The following CNBD1 variants were observed in gnomAD, a reference collection of about 807,000 sequenced individuals.
The protein encoded by CNBD1 is cyclic nucleotide binding domain containing 1, also known as cyclic nucleotide-binding domain-containing protein 1.
Under a neutral mutation model 54.4 loss-of-function variants are expected in CNBD1, and 71 were observed. The observed-to-expected ratio is 1.30, with a 90% CI of 1.08 to 1.59. CNBD1 has a LOEUF of 1.59. Ranked by LOEUF, CNBD1 falls within the 40% of genes most tolerant of loss-of-function variation. CNBD1 has a pLI of 0.00. For missense variants in CNBD1, 659 were observed against 518.0 expected (o/e 1.27, Z -2.64); for synonymous variants, 182 against 170.7 (o/e 1.07, Z -0.51).
At position 87,206,004 on chromosome 8, in the gene CNBD1, G is replaced by T; in HGVS notation, c.443G>T (p.Arg148Met). Residue 148 changes from arginine to methionine, a missense_variant, in exon 5 of 11, where the codon AGG becomes ATG. Transcript: ENST00000518476. ...TTTTTTTTTTTGAGGCCCATTCACA[G>T]GACGCCATATGAACACAAAACTGTG... The part of the protein sequence containing the change: ...LAILKKLPIH[R>M]TPYEHKTVWK... The T allele has an allele frequency of 6.6e-7, 1 of 1,522,838 alleles. No homozygotes were observed. Among genetic ancestry groups the T allele is most frequent in the Non-Finnish European group, 8.8e-7 (1 of 1,140,296 alleles). 94.3% of individuals were successfully genotyped at this position (1,522,838 alleles called of 1,614,324 possible). A position where few individuals can be genotyped will look rare whatever the true frequency, so the allele number is the denominator to read the frequency against.
intron 4 of CNBD1, among the ~76,000 whole-genome samples, chr8:86,981,791 TCATC>T (rs1463963582): frequency 1.3e-5 from 2 of 152,226 alleles, no homozygotes; most frequent in African/African-American, 4.8e-5. Flanking sequence ...TGTAATTTGT[TCATC>T]CATTAGACAA....
rs1328692067 is a variant in CNBD1 at position 87,286,639 on chromosome 8, T to A, written c.1010T>A (p.Leu337His). 6.5e-7 allele frequency: 1 copy of A among 1,540,798 alleles called. No individual in the cohort carries two copies. The highest frequency in any genetic ancestry group is 2.0e-5 in the Admixed American group (1 of 50,818). The change falls in exon 8 of 11, where the codon CTC becomes CAC. Residue 337 changes from leucine (L) to histidine (H), a missense_variant. Leu to His is a moderately conservative substitution (Grantham distance 99, BLOSUM62 -3). Transcript: ENST00000518476. Reference protein sequence around the residue: ...PTLSIYELIALLKWKKFPPGH... With the variant: ...PTLSIYELIAHLKWKKFPPGH... ...TTATCCATATATGAGCTAATTGCACTCCTTAAATGGAAAAAATTTCCTCCA... is the reference window on the plus strand; with the variant it reads ...TTATCCATATATGAGCTAATTGCACACCTTAAATGGAAAAAATTTCCTCCA...
chr8:87,009,748 T>C (rs757195437), intron 4 of CNBD1, among the ~76,000 whole-genome samples: 1 of 152,226 alleles, frequency 6.6e-6, no homozygotes, highest in Non-Finnish European at 1.5e-5. Flanking sequence ...GAACTTTTAG[T>C]ATTTCTTTAT....
chr8:86,959,705 C>T (rs1251543937), intron 4 of CNBD1, among the ~76,000 whole-genome samples: 3 of 152,136 alleles, frequency 2.0e-5, no homozygotes, highest in African/African-American at 2.4e-5. Context: ...TCCATCAGGT[C>T]ATTTAAGGTC....
At chr8:86,975,799 C>G (rs919807232) in intron 4 of CNBD1, among the ~76,000 whole-genome samples, 1 of 151,734 alleles carries the variant, frequency 6.6e-6, no homozygotes, top group Non-Finnish European at 1.5e-5. Context: ...TTTGGAGAAC[C>G]CTCATCTGTT....
At chr8:87,034,911 A>C in intron 4 of CNBD1, among the ~76,000 whole-genome samples, 1 of 152,270 alleles carries the variant, frequency 6.6e-6, no homozygotes, top group Admixed American at 6.5e-5. Flanking sequence ...GTACAATTTA[A>C]GTTCTTAGAT....
chr8:87,382,712 A>C lies in CNBD1; in HGVS notation c.*85A>C, dbSNP rs1811106084. ...TTGCATTCTGGAATACTATCAAACT[A>C]CCAGCAATGAATTTGGTCTATTGTG... On this transcript the variant is annotated 3_prime_UTR_variant, in exon 11 of 11. Transcript: ENST00000518476. 8.5e-6 allele frequency: 9 copies of C among 1,053,700 alleles called. No individual in the cohort carries two copies. Among genetic ancestry groups the C allele is most frequent in the Non-Finnish European group, 1.3e-5 (9 of 714,826 alleles). The allele number at this position is 1,053,700 out of a possible 1,614,324, so 65.3% of individuals were successfully genotyped here. A position where few individuals can be genotyped will look rare whatever the true frequency, so the allele number is the denominator to read the frequency against.
chr8:87,281,399 A>T (rs1232543925), intron 6 of CNBD1, among the ~76,000 whole-genome samples: 2 of 151,192 alleles, frequency 1.3e-5, no homozygotes, highest in African/African-American at 2.4e-5. Context: ...ATGCTTGCAC[A>T]TCTTCCTCTG....
chr8:87,240,885 C>G (rs983064814), intron 6 of CNBD1, among the ~76,000 whole-genome samples: 5 of 152,040 alleles, frequency 3.3e-5, no homozygotes, highest in African/African-American at 1.2e-4. Flanking sequence ...CCACTTGAAT[C>G]GCTTTTTAGG....
intron 4 of CNBD1, among the ~76,000 whole-genome samples, chr8:87,009,112 G>C (rs1265393486): frequency 6.6e-6 from 1 of 151,580 alleles, no homozygotes; most frequent in Non-Finnish European, 1.5e-5. Flanking sequence ...TATTTCCCCA[G>C]AAATTACTAA....
intron 3 of CNBD1, among the ~76,000 whole-genome samples, chr8:86,920,077 A>C (rs11784734): frequency 0.47 from 71,995 of 151,980 alleles, 17,854 homozygotes; most frequent in South Asian, 0.6. Context: ...AATTTAGCCC[A>C]CATTTTAAAG....
At chr8:87,198,998 GA>G (rs1171695538) in intron 4 of CNBD1, among the ~76,000 whole-genome samples, 1 of 152,154 alleles carries the variant, frequency 6.6e-6, no homozygotes, top group African/African-American at 2.4e-5. Flanking sequence ...GTGAAAGCAG[GA>G]GCAAGCGAAA....
intron 6 of CNBD1, among the ~76,000 whole-genome samples, chr8:87,260,456 A>G (rs1359897762): frequency 6.6e-6 from 1 of 152,198 alleles, no homozygotes; most frequent in Non-Finnish European, 1.5e-5. Flanking sequence ...AGAAAAACAA[A>G]TTCATAGCAC....
At chr8:87,215,094 G>A (rs1421470817) in intron 5 of CNBD1, among the ~76,000 whole-genome samples, 1 of 152,098 alleles carries the variant, frequency 6.6e-6, no homozygotes, top group Non-Finnish European at 1.5e-5. Context: ...ACATCAATGA[G>A]TGAAGAAACT....
chr8:87,208,985 A>C (rs1271371574), intron 5 of CNBD1, among the ~76,000 whole-genome samples: 1 of 152,126 alleles, frequency 6.6e-6, no homozygotes, highest in Non-Finnish European at 1.5e-5. Context: ...ACAACTAAAA[A>C]TATGGTAGCT....
At chr8:87,317,249 T>C (rs2089907128) in intron 8 of CNBD1, among the ~76,000 whole-genome samples, 1 of 151,760 alleles carries the variant, frequency 6.6e-6, no homozygotes, top group Non-Finnish European at 1.5e-5. Context: ...TTTAATTCAC[T>C]CTTATAGTAG....
intron 4 of CNBD1, among the ~76,000 whole-genome samples, chr8:86,957,451 G>C (rs200963305): frequency 6.6e-6 from 1 of 152,054 alleles, no homozygotes; most frequent in Non-Finnish European, 1.5e-5. Flanking sequence ...TGTGAATCCA[G>C]CTGGTCCTGG....
intron 5 of CNBD1, among the ~76,000 whole-genome samples, chr8:87,211,485 G>C (rs566887972): frequency 6.6e-6 from 1 of 152,262 alleles, no homozygotes; most frequent in South Asian, 2.1e-4. Context: ...ATAATCCCTA[G>C]TGTTGGAGAT....
intron 6 of CNBD1, among the ~76,000 whole-genome samples, chr8:87,264,030 G>T (rs993367664): frequency 2.0e-5 from 3 of 151,932 alleles, no homozygotes; most frequent in Admixed American, 2.0e-4. Context: ...AAGTTTTAGG[G>T]TACATGTGCA....
Sources: gnomAD v4.1 joint callset for allele counts (sites outside exome capture counted in the v4.1 genomes callset) on GRCh38, gnomAD v4.1.1 for gene constraint, MANE v1.5 for transcripts, NCBI Gene and HGNC (gene_info 2026-07-23, HGNC 2026-07-21) for gene names.